GULP1: variants seen among roughly 807,000 people sequenced by gnomAD.
GULP1 encodes PTB domain-containing engulfment adapter protein 1.
GULP1 carries 19 observed loss-of-function variants against 40.9 expected under a neutral mutation model. The ratio of observed to expected loss-of-function variants is 0.46; its 90% CI spans 0.32 to 0.68. The LOEUF (loss-of-function observed/expected upper bound fraction) is 0.68, where lower values mean the gene tolerates loss of function less well. Among genes scored for constraint, GULP1 ranks in the 30% least tolerant of loss-of-function variants. The pLI is 0.03. For missense variants in GULP1, 312 were observed against 362.2 expected, an observed-to-expected ratio of 0.86 and a Z score of 1.12; for synonymous variants, 119 against 117.6, an observed-to-expected ratio of 1.01 and a Z score of -0.08.
chr2:188,437,779 G>A (rs1030987723), intron 2 of GULP1, among the ~76,000 whole-genome samples: 8 of 152,104 alleles, frequency 5.3e-5, no homozygotes, highest in Non-Finnish European at 1.5e-5. Flanking sequence ...GGGGGAATAT[G>A]GATGGAGCTG....
At chr2:188,580,513 A>G (rs1208786768) in intron 9 of GULP1, among the ~76,000 whole-genome samples, 1 of 149,808 alleles carries the variant, frequency 6.7e-6, no homozygotes, top group African/African-American at 2.5e-5. Flanking sequence ...AGATCCCGCC[A>G]CTGCACTCCA....
intron 1 of GULP1, among the ~76,000 whole-genome samples, chr2:188,354,716 G>A (rs1450582160): frequency 1.3e-5 from 2 of 152,190 alleles, no homozygotes; most frequent in Admixed American, 6.5e-5. Context: ...CACATTTTCC[G>A]ACCATTTTAT....
chr2:188,543,689 A>G (rs1377934888), intron 7 of GULP1, among the ~76,000 whole-genome samples: 2 of 152,122 alleles, frequency 1.3e-5, no homozygotes, highest in Non-Finnish European at 2.9e-5. Flanking sequence ...TGTTGAAGTA[A>G]GTTTCCCAAA....
In GULP1 at chr2:188,537,668, T is replaced by C. The variant is rs147887257; in HGVS notation, c.262-3513T>C. 3.6e-4 allele frequency among the ~76,000 whole-genome samples: 55 copies of C among 152,058 alleles called. 2 individuals carry two copies. In the East Asian group the frequency reaches 4.5e-3, roughly 12 times the overall value. Reference sequence around the variant, plus strand: ...TTCTTTTTTCACTGTATCTTTGCAATGTTTTGGTATCTGAATTATGCTGGT... The same window carrying C: ...TTCTTTTTTCACTGTATCTTTGCAACGTTTTGGTATCTGAATTATGCTGGT... On this transcript the variant is annotated intron_variant, in intron 6 of 11. Transcript: ENST00000409830.
At chr2:188,379,462 A>G (rs1260139508) in intron 1 of GULP1, among the ~76,000 whole-genome samples, 6 of 152,202 alleles carry the variant, frequency 3.9e-5, no homozygotes, top group African/African-American at 9.6e-5. Context: ...TCAGTTTTAC[A>G]TCTTATAAAT....
chr2:188,352,455 G>C (rs1166531038), intron 1 of GULP1, among the ~76,000 whole-genome samples: 1 of 152,006 alleles, frequency 6.6e-6, no homozygotes, highest in African/African-American at 2.4e-5. Flanking sequence ...TCAGGCCTTT[G>C]TACTCAGACT....
intron 2 of GULP1, among the ~76,000 whole-genome samples, chr2:188,387,409 A>G (rs1400317355): frequency 2.0e-5 from 3 of 152,204 alleles, no homozygotes; most frequent in Non-Finnish European, 4.4e-5. Context: ...TAAACATTAG[A>G]GAAGGGAAGG....
At chr2:188,593,871 C>A in intron 11 of GULP1, 69 bp from the exon 12 acceptor site, 1 of 874,268 alleles carries the variant, frequency 1.1e-6, no homozygotes. Context: ...AGTGCATAGT[C>A]TTTTTTATTC....
intron 1 of GULP1, among the ~76,000 whole-genome samples, chr2:188,361,609 T>C (rs1225486712): frequency 6.6e-6 from 1 of 152,052 alleles, no homozygotes; most frequent in Non-Finnish European, 1.5e-5. Context: ...GCACATTTGA[T>C]GTTTGTTGTG....
chr2:188,339,590 A>G (rs2152128452), intron 1 of GULP1, among the ~76,000 whole-genome samples: 1 of 152,288 alleles, frequency 6.6e-6, no homozygotes, highest in South Asian at 2.1e-4. Context: ...TTGAAGTTAA[A>G]TCCTCAGCAT....
At chr2:188,343,375 GT>G (rs1286718539) in intron 1 of GULP1, among the ~76,000 whole-genome samples, 1 of 152,222 alleles carries the variant, frequency 6.6e-6, no homozygotes, top group Admixed American at 6.5e-5. Context: ...AAATTAAAAT[GT>G]TTGATTTTAG....
intron 2 of GULP1, among the ~76,000 whole-genome samples, chr2:188,443,461 T>C (rs1226504271): frequency 6.6e-6 from 1 of 152,068 alleles, no homozygotes; most frequent in Admixed American, 6.6e-5. Context: ...TTCAACACAA[T>C]GGCTACCATT....
intron 6 of GULP1, among the ~76,000 whole-genome samples, chr2:188,538,243 G>A (rs1430646713): frequency 6.6e-6 from 1 of 151,832 alleles, no homozygotes; most frequent in Non-Finnish European, 1.5e-5. Context: ...GTTGATATTT[G>A]TTCTTCTAGT....
chr2:188,409,777 T>C (rs2053622550), intron 2 of GULP1, among the ~76,000 whole-genome samples: 1 of 152,288 alleles, frequency 6.6e-6, no homozygotes, highest in South Asian at 2.1e-4. Flanking sequence ...AGTGGGAATT[T>C]GTTTGGTATT....
At chr2:188,412,169 A>G (rs1005533883) in intron 2 of GULP1, among the ~76,000 whole-genome samples, 1 of 152,076 alleles carries the variant, frequency 6.6e-6, no homozygotes, top group Non-Finnish European at 1.5e-5. Context: ...GGGGAAGCAA[A>G]CACATCCTTC....
intron 2 of GULP1, among the ~76,000 whole-genome samples, chr2:188,432,769 GAA>G (rs2057012463): frequency 6.6e-6 from 1 of 151,978 alleles, no homozygotes; most frequent in African/African-American, 2.4e-5. Context: ...ACATAAACTT[GAA>G]AAATATTTTG....
chr2:188,484,308 TGTGTCTTTAAA>T (rs1259539085), intron 4 of GULP1, among the ~76,000 whole-genome samples: 1 of 152,204 alleles, frequency 6.6e-6, no homozygotes, highest in African/African-American at 2.4e-5. Flanking sequence ...ATCTACGCTC[TGTGTCTTTAAA>T]GATTTCATTT....
At chr2:188,478,971 G>C (rs2061244475) in intron 3 of GULP1, among the ~76,000 whole-genome samples, 2 of 152,108 alleles carry the variant, frequency 1.3e-5, no homozygotes, top group Non-Finnish European at 2.9e-5. Flanking sequence ...CAGGAAGCAT[G>C]ACTGAGAACC....
Position 188,507,388 on chromosome 2 carries a change from T to G in GULP1, c.91-15368T>G, listed in dbSNP as rs985822000. Reference sequence around the variant, plus strand: ...TGTTTCTGGAGCAAAGAGAATACCATTTGTTTTCTTTTTTTTTTTTTTTTT... The same window carrying G: ...TGTTTCTGGAGCAAAGAGAATACCAGTTGTTTTCTTTTTTTTTTTTTTTTT... On this transcript the variant is annotated intron_variant, in intron 4 of 11. Coordinates refer to ENST00000409830, the MANE Select transcript of GULP1 (RefSeq NM_016315.4). Among the ~76,000 whole-genome samples the G allele has an allele frequency of 2.3e-4, 28 of 122,884 alleles. 1 individual carries two copies. Among genetic ancestry groups the G allele is most frequent in the Non-Finnish European group, 3.2e-4 (20 of 61,628 alleles). The allele number at this position is 122,884 out of a possible 152,430, so 80.6% of individuals were successfully genotyped here. A position where few individuals can be genotyped will look rare whatever the true frequency, so the allele number is the denominator to read the frequency against.
Sources: allele counts gnomAD v4.1 joint callset (sites outside exome capture counted in the v4.1 genomes callset), GRCh38; gene constraint gnomAD v4.1.1; transcripts MANE v1.5; gene names NCBI Gene and HGNC (gene_info 2026-07-23, HGNC 2026-07-21).